Variants in RASEF observed in about 807,000 individuals in gnomAD.
RASEF encodes ras and EF-hand domain-containing protein.
RASEF carries 68 observed loss-of-function variants against 90.1 expected under a neutral mutation model. The ratio of observed to expected loss-of-function variants is 0.75; its 90% CI spans 0.62 to 0.92. The LOEUF (loss-of-function observed/expected upper bound fraction) is 0.92. Among genes scored for constraint, RASEF ranks in the 40% least tolerant of loss-of-function variants. RASEF has a pLI of 0.00. For synonymous variants in RASEF, 331 were observed against 345.2 expected, an observed-to-expected ratio of 0.96 and a Z score of 0.46; for missense variants, 949 against 937.2, an observed-to-expected ratio of 1.01 and a Z score of -0.16.
chr9:83,154,739 G>T, the RASEF span, among the ~76,000 whole-genome samples: 4 of 152,256 alleles, frequency 2.6e-5, no homozygotes, highest in African/African-American at 9.6e-5. Flanking sequence ...TTCTGTCTTT[G>T]CATTGGCATA....
chr9:83,174,971 C>T, the RASEF span, among the ~76,000 whole-genome samples: 1 of 151,950 alleles, frequency 6.6e-6, no homozygotes, highest in Admixed American at 6.6e-5. Context: ...ATCTTGTATC[C>T]TATCACCTTG....
the RASEF span, among the ~76,000 whole-genome samples, chr9:83,127,018 G>C: frequency 6.6e-6 from 1 of 151,982 alleles, no homozygotes; most frequent in Non-Finnish European, 1.5e-5. Context: ...ATTTGTAAGT[G>C]AATAAAATAT....
chr9:83,184,453 G>C, the RASEF span, among the ~76,000 whole-genome samples: 1 of 152,142 alleles, frequency 6.6e-6, no homozygotes, highest in South Asian at 2.1e-4. Context: ...CTGCTCTGTG[G>C]AGTGAGAAGT....
the RASEF span, among the ~76,000 whole-genome samples, chr9:83,158,385 T>G: frequency 3.3e-5 from 5 of 151,870 alleles, no homozygotes; most frequent in East Asian, 9.6e-4. Flanking sequence ...ACTGTCATAG[T>G]AAAAATTCAG....
the RASEF span, among the ~76,000 whole-genome samples, chr9:83,122,969 G>C: frequency 2.6e-5 from 4 of 152,322 alleles, no homozygotes; most frequent in East Asian, 7.7e-4. Context: ...GCTGGGCGCA[G>C]TGGCTCACGC....
In RASEF at chr9:83,062,746, C is replaced by T; in HGVS notation, c.122G>A (p.Arg41Gln). ...TGCCTCGGCGTCGGCCGGCCGCACC[C>T]GCAGCTCCGTGCACAGTGCCCGGAA... is the stretch of plus-strand genomic sequence containing the variant. ...EEFRALCTEL[R>Q]VRPADAEAVF... Residue 41 changes from arginine (R) to glutamine (Q), a missense_variant, in exon 1 of 17, where the codon CGG becomes CAG. Around this residue, in one of 3 missense-constraint regions of RASEF, gnomAD observed 656 missense variants for 592.2 expected, o/e 1.11. Transcript: ENST00000376447. 6.4e-7 allele frequency: 1 copy of T among 1,568,134 alleles called. No homozygotes were observed. Among genetic ancestry groups the T allele is most frequent in the Non-Finnish European group, 8.6e-7 (1 of 1,165,572 alleles).
At chr9:83,015,985 T>G in intron 3 of RASEF, 85 bp from the exon 4 acceptor site, 2 of 1,002,132 alleles carry the variant, frequency 2.0e-6, no homozygotes, top group Non-Finnish European at 3.1e-6. Context: ...ACATTTTGTG[T>G]CAAATTAAGG....
At chr9:83,034,075 C>A (rs1043685071) in intron 1 of RASEF, among the ~76,000 whole-genome samples, 8 of 152,218 alleles carry the variant, frequency 5.3e-5, no homozygotes, top group Non-Finnish European at 7.3e-5. Flanking sequence ...AGGGCCAAAT[C>A]CAGCTATGCT....
the RASEF span, among the ~76,000 whole-genome samples, chr9:83,125,086 T>A: frequency 3.3e-5 from 5 of 152,312 alleles, no homozygotes; most frequent in Admixed American, 1.3e-4. Context: ...ATTCTACAAA[T>A]AAGGTGTTTT....
the RASEF span, among the ~76,000 whole-genome samples, chr9:83,208,886 T>C: frequency 2.0e-5 from 3 of 152,204 alleles, no homozygotes; most frequent in East Asian, 5.8e-4. Flanking sequence ...ATTTGAACTT[T>C]GGCAAAGGTT....
chr9:83,089,313 G>A, the RASEF span, among the ~76,000 whole-genome samples: 1 of 151,906 alleles, frequency 6.6e-6, no homozygotes, highest in African/African-American at 2.4e-5. Flanking sequence ...AAATAAAAAT[G>A]AGCTATAAAC....
the RASEF span, among the ~76,000 whole-genome samples, chr9:83,100,756 C>T: frequency 3.3e-3 from 509 of 152,250 alleles, 5 homozygotes; most frequent in African/African-American, 0.011. Flanking sequence ...CTACTTCTGA[C>T]ACAGGGAAGA....
intron 1 of RASEF, among the ~76,000 whole-genome samples, chr9:83,058,340 G>A (rs1306680809): frequency 1.3e-5 from 2 of 150,404 alleles, no homozygotes; most frequent in African/African-American, 2.5e-5. Flanking sequence ...CCGCTACCAC[G>A]CCCGGCTAAT....
At chr9:83,164,687 G>A in the RASEF span, among the ~76,000 whole-genome samples, 1 of 150,286 alleles carries the variant, frequency 6.7e-6, no homozygotes, top group African/African-American at 2.4e-5. Flanking sequence ...GGGAAATACA[G>A]TAATATCAGT....
the RASEF span, among the ~76,000 whole-genome samples, chr9:83,152,817 T>G: frequency 3.3e-5 from 5 of 152,178 alleles, no homozygotes; most frequent in African/African-American, 4.8e-5. Flanking sequence ...TCCATTGGTC[T>G]TCAGTATTGA....
At chr9:83,156,481 C>T in the RASEF span, among the ~76,000 whole-genome samples, 1 of 152,126 alleles carries the variant, frequency 6.6e-6, no homozygotes, top group African/African-American at 2.4e-5. Flanking sequence ...ATCTTCAACC[C>T]CTCTTCTTTC....
intron 3 of RASEF, among the ~76,000 whole-genome samples, chr9:83,016,354 T>A (rs549156614): frequency 2.6e-5 from 4 of 151,768 alleles, no homozygotes; most frequent in African/African-American, 7.3e-5. Context: ...CAAATTTCTA[T>A]GCAAAGTGCC....
chr9:82,984,750 G>A (rs1179996703), intron 16 of RASEF, among the ~76,000 whole-genome samples: 7 of 152,152 alleles, frequency 4.6e-5, no homozygotes, highest in Non-Finnish European at 8.8e-5. Flanking sequence ...CAAGGACAAC[G>A]GAAGAGTAAC....
At chr9:83,174,331 A>C in the RASEF span, among the ~76,000 whole-genome samples, 5 of 152,106 alleles carry the variant, frequency 3.3e-5, no homozygotes, top group Non-Finnish European at 5.9e-5. Flanking sequence ...TTAATCATAT[A>C]TGATATGATG....
Sources: allele counts gnomAD v4.1 joint callset (sites outside exome capture counted in the v4.1 genomes callset), GRCh38; gene constraint gnomAD v4.1.1; regional missense constraint gnomAD v4.1.1; transcripts MANE v1.5; gene names NCBI Gene and HGNC (gene_info 2026-07-23, HGNC 2026-07-21).